LBH: variants seen among roughly 807,000 people sequenced by gnomAD.
The protein encoded by LBH is protein LBH.
In LBH, 7 loss-of-function variants were observed where a neutral mutation model predicts 12.5. The observed-to-expected ratio is 0.56, with a 90% CI of 0.32 to 1.05. The LOEUF (loss-of-function observed/expected upper bound fraction) is 1.05, where lower values mean the gene tolerates loss of function less well. Among genes scored for constraint, LBH ranks in the 50% least tolerant of loss-of-function variants. LBH has a pLI of 0.04. For synonymous variants in LBH, 51 were observed against 50.1 expected, an observed-to-expected ratio of 1.02 and a Z score of -0.08; for missense variants, 119 against 138.9, an observed-to-expected ratio of 0.86 and a Z score of 0.72.
chr2:30,232,214 C>G (rs554383187), intron 1 of LBH: 69 of 1,508,048 alleles, frequency 4.6e-5, no homozygotes, highest in Middle Eastern at 3.9e-4. Context: ...CTGGTGCGGC[C>G]GCAGGGTTTG....
intron 2 of LBH, among the ~76,000 whole-genome samples, chr2:30,254,569 C>G (rs1452091816): frequency 6.6e-6 from 1 of 151,920 alleles, no homozygotes; most frequent in African/African-American, 2.4e-5. Context: ...TGCTTCCCAC[C>G]CCTCTCCTCC....
At chr2:30,256,477 C>G (rs948518650) in intron 2 of LBH, 1 of 152,152 alleles carries the variant, frequency 6.6e-6, no homozygotes, top group Non-Finnish European at 1.5e-5. Context: ...GCTTGAGGGA[C>G]AAGCTGGTGT....
intron 2 of LBH, among the ~76,000 whole-genome samples, chr2:30,246,768 C>T (rs959732354): frequency 6.8e-6 from 1 of 147,846 alleles, no homozygotes; most frequent in Non-Finnish European, 1.5e-5. Context: ...TTCCTTCTTT[C>T]TCTTTCTTTC....
At chr2:30,246,786 T>C (rs78663747) in intron 2 of LBH, among the ~76,000 whole-genome samples, 4 of 126,338 alleles carry the variant, frequency 3.2e-5, no homozygotes, top group South Asian at 2.4e-4. Flanking sequence ...TTCTTTCTTT[T>C]TCTTTCCTTC....
intron 1 of LBH, chr2:30,232,268 C>T: frequency 6.6e-7 from 1 of 1,507,016 alleles, no homozygotes; most frequent in Non-Finnish European, 8.9e-7. Context: ...TCTCCCCACA[C>T]GTAACCCCAC....
chr2:30,249,600 G>A (rs1464549669), intron 2 of LBH, among the ~76,000 whole-genome samples: 1 of 152,186 alleles, frequency 6.6e-6, no homozygotes, highest in Non-Finnish European at 1.5e-5. Flanking sequence ...ACGCCCTGGG[G>A]AAACAGAGCC....
chr2:30,241,075 T>G (rs1189629219), intron 2 of LBH, among the ~76,000 whole-genome samples: 1 of 152,244 alleles, frequency 6.6e-6, no homozygotes, highest in African/African-American at 2.4e-5. Flanking sequence ...CTTAAAGCAC[T>G]TGTTCAAACT....
intron 1 of LBH, chr2:30,232,182 G>C (rs957861157): frequency 2.7e-6 from 4 of 1,504,036 alleles, no homozygotes; most frequent in Non-Finnish European, 3.6e-6. Flanking sequence ...TCAACGTCGA[G>C]GCCGGCAGCA....
rs556652120 is a variant in LBH, at chr2:30,258,486, G to C, written c.*865G>C. The C allele has an allele frequency of 2.6e-5, 4 of 152,292 alleles. No homozygotes were observed. The highest frequency in any genetic ancestry group is 6.5e-5 in the Admixed American group (1 of 15,278). The allele number at this position is 152,292 out of a possible 1,614,324, so 9.4% of individuals were successfully genotyped here. On this transcript the variant is annotated 3_prime_UTR_variant, in exon 3 of 3. Transcript: ENST00000395323. The stretch of plus-strand genomic sequence containing the variant: ...AAGCCCCAGGGTGGACACTCAGCAC[G>C]AAGGTCTCTCCCTTAACTGCTGCCC...
intron 2 of LBH, among the ~76,000 whole-genome samples, chr2:30,248,482 G>A (rs1677915690): frequency 6.6e-6 from 1 of 152,146 alleles, no homozygotes; most frequent in South Asian, 2.1e-4. Context: ...CAAGATTTGT[G>A]TTTCCAAAAA....
intron 2 of LBH, among the ~76,000 whole-genome samples, chr2:30,236,994 CG>C (rs932242785): frequency 1.3e-5 from 2 of 152,166 alleles, no homozygotes; most frequent in African/African-American, 2.4e-5. Context: ...AGATATTCTC[CG>C]GGCCCACTCA....
rs1365505991 is a variant in LBH, at chr2:30,258,301, A to G, written c.*680A>G. 1.3e-5 allele frequency: 2 copies of G among 152,468 alleles called. No individual in the cohort carries two copies. Among genetic ancestry groups the G allele is most frequent in the Non-Finnish European group, 2.9e-5 (2 of 68,258 alleles). The allele number at this position is 152,468 out of a possible 1,614,324, so 9.4% of individuals were successfully genotyped here. ...AGTGCAGGAAAGGAAAGGTCACCCC[A>G]TTCTACTCCATGGCCTCTCTGCTCC... On this transcript the variant is annotated 3_prime_UTR_variant, in exon 3 of 3. Transcript: ENST00000395323.
chr2:30,231,793 C>CT, intron 1 of LBH, 29 bp downstream of exon 1: 1 of 1,549,590 alleles, frequency 6.5e-7, no homozygotes. Flanking sequence ...CGGCGGGCGT[C>CT]TGTCTCGCGG....
chr2:30,246,763 T>TC (rs1318390717), intron 2 of LBH, among the ~76,000 whole-genome samples: 1 of 133,320 alleles, frequency 7.5e-6, no homozygotes, highest in Non-Finnish European at 1.6e-5. Flanking sequence ...TTTCCTTCCT[T>TC]CTTTCTCTTT....
intron 2 of LBH, among the ~76,000 whole-genome samples, chr2:30,248,819 G>T (rs549716641): frequency 5.9e-5 from 9 of 152,176 alleles, no homozygotes; most frequent in Non-Finnish European, 1.5e-5. Context: ...CTCCTGACTC[G>T]CAGGATGGGT....
At chr2:30,254,025 G>T (rs1678033976) in intron 2 of LBH, among the ~76,000 whole-genome samples, 1 of 152,130 alleles carries the variant, frequency 6.6e-6, no homozygotes, top group African/African-American at 2.4e-5. Flanking sequence ...CCAGGTGCGT[G>T]GCTTTGAGCA....
intron 2 of LBH, among the ~76,000 whole-genome samples, chr2:30,251,051 T>TTC (rs1491461491): frequency 3.0e-5 from 2 of 66,266 alleles, no homozygotes; most frequent in Admixed American, 1.7e-4. Flanking sequence ...GTCAGTAGAA[T>TTC]TTTTTTTTTT....
At chr2:30,234,547 A>G in intron 2 of LBH, 40 bp downstream of exon 2, 3 of 1,499,002 alleles carry the variant, frequency 2.0e-6, no homozygotes, top group Non-Finnish European at 2.8e-6. Flanking sequence ...TCTAGAGCCT[A>G]GTGGTTTTTG....
At chr2:30,242,249 CT>C (rs200609618) in intron 2 of LBH, among the ~76,000 whole-genome samples, 60 of 147,108 alleles carry the variant, frequency 4.1e-4, no homozygotes, top group Admixed American at 4.1e-4. Context: ...AGGTAATATT[CT>C]TTTTTTTTTT....
Sources: gnomAD v4.1 joint callset for allele counts (sites outside exome capture counted in the v4.1 genomes callset) on GRCh38, gnomAD v4.1.1 for gene constraint, MANE v1.5 for transcripts, NCBI Gene and HGNC (gene_info 2026-07-23, HGNC 2026-07-21) for gene names.